DCC: variants seen among roughly 807,000 people sequenced by gnomAD.
The protein encoded by DCC is netrin receptor DCC.
A neutral mutation model predicts 172.5 loss-of-function variants in DCC; 58 were observed. The observed-to-expected ratio is 0.34, with a 90% CI of 0.27 to 0.42. The LOEUF (loss-of-function observed/expected upper bound fraction) is 0.42. Among genes scored for constraint, DCC ranks in the 10% least tolerant of loss-of-function variants. DCC has a pLI of 1.00. For synonymous variants in DCC, 709 were observed against 644.5 expected (o/e 1.10, Z -1.52); for missense variants, 1,740 against 1,791.0 (o/e 0.97, Z 0.51).
intron 2 of DCC, among the ~76,000 whole-genome samples, chr18:52,823,049 T>G (rs2038437492): frequency 6.6e-6 from 1 of 152,224 alleles, no homozygotes; most frequent in Non-Finnish European, 1.5e-5. Context: ...TAACTGGTTT[T>G]GTGAAACTAT....
At chr18:53,216,051 T>C (rs780425613) in intron 12 of DCC, among the ~76,000 whole-genome samples, 14 of 152,210 alleles carry the variant, frequency 9.2e-5, no homozygotes, top group Non-Finnish European at 1.9e-4. Context: ...ATGTAGTCAT[T>C]GAAGGCCATT....
At chr18:53,489,753 T>A (rs2045940401) in intron 26 of DCC, among the ~76,000 whole-genome samples, 1 of 152,196 alleles carries the variant, frequency 6.6e-6, no homozygotes, top group Non-Finnish European at 1.5e-5. Flanking sequence ...AGAAAAGATA[T>A]GGTACATACA....
At chr18:53,314,907 A>C (rs1457414620) in intron 13 of DCC, among the ~76,000 whole-genome samples, 1 of 152,166 alleles carries the variant, frequency 6.6e-6, no homozygotes, top group Non-Finnish European at 1.5e-5. Flanking sequence ...TAGCCTGGCC[A>C]GGTGAGATCC....
intron 5 of DCC, among the ~76,000 whole-genome samples, chr18:53,055,690 A>G (rs2042394668): frequency 6.6e-6 from 1 of 152,132 alleles, no homozygotes; most frequent in African/African-American, 2.4e-5. Flanking sequence ...TCAACAACCA[A>G]TCCTATGAGA....
intron 8 of DCC, among the ~76,000 whole-genome samples, chr18:53,172,510 C>G (rs905690371): frequency 3.3e-5 from 5 of 152,100 alleles, no homozygotes; most frequent in Non-Finnish European, 7.4e-5. Context: ...AATACCTGTT[C>G]AAAGGGTTAT....
chr18:53,487,490 TTA>T (rs1339844470), intron 26 of DCC, among the ~76,000 whole-genome samples: 1 of 151,852 alleles, frequency 6.6e-6, no homozygotes, highest in Non-Finnish European at 1.5e-5. Context: ...TCTCAAGCTA[TTA>T]TATACACCCT....
At chr18:53,066,260 C>T in intron 7 of DCC, 94 bp downstream of exon 7, 1 of 1,124,412 alleles carries the variant, frequency 8.9e-7, no homozygotes, top group South Asian at 1.3e-5. Flanking sequence ...CCCTCAAGGG[C>T]AATATGGCAA....
In DCC at chr18:53,058,566, A is replaced by G. The variant is rs553139688; in HGVS notation, c.986-4739A>G. The stretch of plus-strand genomic sequence containing the variant: ...CTAAATTCTAGGAAGCAATCCCAAA[A>G]TGGGACAAATAGATCCCAGATCCTA... On this transcript the variant is annotated intron_variant, in intron 5 of 28. Coordinates refer to ENST00000442544, the MANE Select transcript of DCC (RefSeq NM_005215.4). Among the ~76,000 whole-genome samples the G allele has an allele frequency of 1.8e-4, 28 of 152,278 alleles. No homozygotes were observed. In the South Asian group the frequency reaches 5.8e-3, roughly 32 times the overall value.
chr18:53,260,516 C>T (rs549201792), intron 12 of DCC, among the ~76,000 whole-genome samples: 13 of 152,096 alleles, frequency 8.5e-5, no homozygotes, highest in Non-Finnish European at 1.6e-4. Flanking sequence ...TGCAAAATAG[C>T]GAATATTGGT....
chr18:52,959,536 TG>T (rs530815752), intron 5 of DCC, among the ~76,000 whole-genome samples: 2,038 of 152,170 alleles, frequency 0.013, 60 homozygotes, highest in African/African-American at 0.047. Context: ...CCAGATAGTG[TG>T]ACGGGTTTGC....
intron 5 of DCC, among the ~76,000 whole-genome samples, chr18:52,932,681 G>A (rs954100278): frequency 5.3e-5 from 8 of 152,080 alleles, no homozygotes; most frequent in African/African-American, 1.9e-4. Flanking sequence ...ATAGAGCTGA[G>A]CATGTCCACC....
At chr18:52,975,386 G>A (rs2041100449) in intron 5 of DCC, among the ~76,000 whole-genome samples, 1 of 152,056 alleles carries the variant, frequency 6.6e-6, no homozygotes, top group Non-Finnish European at 1.5e-5. Context: ...CTAAGTTCAG[G>A]GGTACTCGTG....
At chr18:53,131,599 T>G (rs2043652201) in intron 7 of DCC, among the ~76,000 whole-genome samples, 1 of 152,122 alleles carries the variant, frequency 6.6e-6, no homozygotes, top group South Asian at 2.1e-4. Context: ...CCCGCATATA[T>G]CAGTAAACAT....
chr18:52,487,810 C>CAAAAAAA lies in DCC; in HGVS notation c.91+146952_91+146958dup, dbSNP rs5824940. On this transcript the variant is annotated intron_variant, in intron 1 of 28. Transcript: ENST00000442544. ...TGGGTGACAGAGTGAGACTCCACCT[C>CAAAAAAA]AAAAAAAAAAAAAAAAAAAAAAAAA... Among the ~76,000 whole-genome samples the CAAAAAAA allele has an allele frequency of 9.5e-4, 71 of 74,390 alleles. 1 individual carries two copies. Among genetic ancestry groups the CAAAAAAA allele is most frequent in the South Asian group, 6.0e-3 (8 of 1,334 alleles). 48.8% of individuals were successfully genotyped at this position (74,390 alleles called of 152,430 possible).
chr18:53,288,150 T>C (rs766529034), intron 12 of DCC, among the ~76,000 whole-genome samples: 7 of 152,186 alleles, frequency 4.6e-5, no homozygotes, highest in Non-Finnish European at 1.0e-4. Flanking sequence ...TTTAGATTCT[T>C]ATTGTGCATA....
intron 8 of DCC, among the ~76,000 whole-genome samples, chr18:53,178,560 T>C (rs2055144717): frequency 6.6e-6 from 1 of 152,204 alleles, no homozygotes; most frequent in Non-Finnish European, 1.5e-5. Context: ...GACCGATTTG[T>C]GGAATAATTG....
chr18:52,542,360 G>A lies in DCC; in HGVS notation c.91+201482G>A, dbSNP rs1414409191. ...AATAAATTTTTTAAATGAAGTAAGT[G>A]TCAGCAAAAGTAATTTAAATTAAGC... On this transcript the variant is annotated intron_variant, in intron 1 of 28. Transcript: ENST00000442544. Among the ~76,000 whole-genome samples, 3 of 152,232 alleles carry A rather than the reference G, an allele frequency of 2.0e-5. No individual in the cohort carries two copies. In the East Asian group the frequency reaches 5.8e-4, roughly 29 times the overall value.
At chr18:53,500,550 TTGTC>T (rs1395927961) in intron 27 of DCC, among the ~76,000 whole-genome samples, 1 of 151,804 alleles carries the variant, frequency 6.6e-6, no homozygotes, top group Non-Finnish European at 1.5e-5. Flanking sequence ...AGAAAAATGA[TTGTC>T]TATGAAGTAT....
chr18:53,227,629 T>C (rs539011353), intron 12 of DCC, among the ~76,000 whole-genome samples: 1 of 152,320 alleles, frequency 6.6e-6, no homozygotes, highest in East Asian at 1.9e-4. Flanking sequence ...AAAAAGAAAG[T>C]ATTAAGGAAC....
Sources: gnomAD v4.1 joint callset for allele counts (sites outside exome capture counted in the v4.1 genomes callset) on GRCh38, gnomAD v4.1.1 for gene constraint, MANE v1.5 for transcripts, NCBI Gene and HGNC (gene_info 2026-07-23, HGNC 2026-07-21) for gene names.